ANTXR1: variants seen among roughly 807,000 people sequenced by gnomAD.
ANTXR1 encodes anthrax toxin receptor 1.
Under a neutral mutation model 78.1 loss-of-function variants are expected in ANTXR1, and 19 were observed. The ratio of observed to expected loss-of-function variants is 0.24; its 90% confidence interval spans 0.17 to 0.36. ANTXR1 has a LOEUF of 0.36. ANTXR1 is among the 10% of genes least tolerant of loss of function. The probability of loss-of-function intolerance (pLI) is 1.00; values close to 1 mark genes in which losing one functional copy is unlikely to be tolerated. For synonymous variants in ANTXR1, 273 were observed against 260.5 expected (o/e 1.05, Z -0.46); for missense variants, 518 against 718.6 (o/e 0.72, Z 3.19).
intron 3 of ANTXR1, among the ~76,000 whole-genome samples, chr2:69,062,943 T>TA (rs1670290234): frequency 6.6e-6 from 1 of 151,844 alleles, no homozygotes; most frequent in South Asian, 2.1e-4. Flanking sequence ...TTATTTGAAA[T>TA]AAAAAATTTA....
intron 3 of ANTXR1, among the ~76,000 whole-genome samples, chr2:69,045,608 G>A (rs1266140633): frequency 6.6e-6 from 1 of 152,050 alleles, no homozygotes; most frequent in South Asian, 2.1e-4. Flanking sequence ...GTACAGGGGG[G>A]GCAGGAAGAC....
intron 14 of ANTXR1, among the ~76,000 whole-genome samples, chr2:69,179,042 G>C (rs1674205681): frequency 6.6e-6 from 1 of 152,134 alleles, no homozygotes. Context: ...GGCTTTCAGA[G>C]CCATATTTTG....
chr2:69,195,601 C>T (rs1356159240), intron 17 of ANTXR1, among the ~76,000 whole-genome samples: 1 of 152,060 alleles, frequency 6.6e-6, no homozygotes, highest in Non-Finnish European at 1.5e-5. Flanking sequence ...TCAACAAGAC[C>T]AAATTTCTAT....
At position 69,241,318 on chromosome 2, in the gene ANTXR1, A is replaced by C. The variant is rs568374825; in HGVS notation, c.1435-3907A>C. Among the ~76,000 whole-genome samples, 16 of 152,254 alleles carry C rather than the reference A, an allele frequency of 1.1e-4. 1 individual carries two copies. Among genetic ancestry groups the C allele is most frequent in the Admixed American group, 9.2e-4 (14 of 15,296 alleles). On this transcript the variant is annotated intron_variant, in intron 17 of 17. Transcript: ENST00000303714. ...GCAAGCAAAAAACGATGTTGTGTAAACTGATCTTTAGGCCAATTATATGGT... is the reference window on the plus strand; with the variant it reads ...GCAAGCAAAAAACGATGTTGTGTAACCTGATCTTTAGGCCAATTATATGGT...
chr2:69,227,833 C>G (rs977125291), intron 17 of ANTXR1, among the ~76,000 whole-genome samples: 3 of 152,172 alleles, frequency 2.0e-5, no homozygotes. Flanking sequence ...ATTACATGGC[C>G]ACACCTTGAT....
At chr2:69,039,456 A>G (rs904325715) in intron 1 of ANTXR1, among the ~76,000 whole-genome samples, 3 of 152,148 alleles carry the variant, frequency 2.0e-5, no homozygotes, top group Non-Finnish European at 4.4e-5. Context: ...TTGTTTATTA[A>G]TACGACTAAA....
At position 69,170,270 on chromosome 2, in the gene ANTXR1, C is replaced by A. The variant is rs1673944816; in HGVS notation, c.1070C>A (p.Pro357His). 6.2e-7 allele frequency: 1 copy of A among 1,614,154 alleles called. No homozygotes were observed. Among genetic ancestry groups the A allele is most frequent in the Non-Finnish European group, 8.5e-7 (1 of 1,180,020 alleles). The change falls in exon 14 of 18, where the codon CCC becomes CAC. Residue 357 changes from proline to histidine, a missense_variant. Pro to His is a moderately conservative substitution (Grantham distance 77). Around this residue, in one of 5 missense-constraint regions of ANTXR1, gnomAD observed 264 missense variants for 391.8 expected, o/e 0.67. Transcript: ENST00000303714. ...CAGATTATCAAGGAGGTCCCTCCAC[C>A]CCCTGCCGAGGAGAGTGAGGTAAGT... ...CTVIIKEVPP[P>H]PAEESEEEDD... is the part of the protein sequence containing the mutation.
At chr2:69,039,123 A>G (rs1431727467) in intron 1 of ANTXR1, among the ~76,000 whole-genome samples, 1 of 152,226 alleles carries the variant, frequency 6.6e-6, no homozygotes, top group Non-Finnish European at 1.5e-5. Flanking sequence ...TAGAATGGCA[A>G]GCAGAAATGC....
Position 69,022,620 on chromosome 2 carries a change from G to C in ANTXR1, c.152+8969G>C, listed in dbSNP as rs1671225766. 2.0e-5 allele frequency among the ~76,000 whole-genome samples: 3 copies of C among 152,292 alleles called. No homozygotes were observed. In the South Asian group the frequency reaches 6.2e-4, roughly 32 times the overall value. Reference sequence around the variant, plus strand: ...TGCTAAACTGAGGTTCTCAACCAAGGGCCAGATCACAACTTCAGAGGCCTG... The same window carrying C: ...TGCTAAACTGAGGTTCTCAACCAAGCGCCAGATCACAACTTCAGAGGCCTG... On this transcript the variant is annotated intron_variant, in intron 1 of 17. Coordinates refer to ENST00000303714, the MANE Select transcript of ANTXR1 (RefSeq NM_032208.3).
At chr2:69,027,168 A>T (rs1366466703) in intron 1 of ANTXR1, among the ~76,000 whole-genome samples, 1 of 152,190 alleles carries the variant, frequency 6.6e-6, no homozygotes, top group Non-Finnish European at 1.5e-5. Context: ...AGCATCATGC[A>T]GTGGCAGCTG....
At chr2:69,195,853 T>C (rs1674657813) in intron 17 of ANTXR1, among the ~76,000 whole-genome samples, 1 of 152,004 alleles carries the variant, frequency 6.6e-6, no homozygotes, top group African/African-American at 2.4e-5. Flanking sequence ...ATGACCCCAT[T>C]TTTTTTTCAC....
chr2:69,144,456 A>G (rs1673162760), intron 12 of ANTXR1, among the ~76,000 whole-genome samples: 1 of 152,210 alleles, frequency 6.6e-6, no homozygotes, highest in Non-Finnish European at 1.5e-5. Flanking sequence ...GGCACTCCAA[A>G]GTGCTTCATA....
chr2:69,047,415 T>C (rs1175771197), intron 3 of ANTXR1, among the ~76,000 whole-genome samples: 2 of 152,220 alleles, frequency 1.3e-5, no homozygotes, highest in African/African-American at 4.8e-5. Flanking sequence ...ATTGTTACTC[T>C]ATTTTCTAAT....
intron 14 of ANTXR1, among the ~76,000 whole-genome samples, chr2:69,179,542 A>C (rs1244720693): frequency 6.8e-6 from 1 of 147,190 alleles, no homozygotes; most frequent in African/African-American, 2.6e-5. Flanking sequence ...AAAAAAAATT[A>C]TCAAAATTAG....
chr2:69,049,483 G>A (rs1286325377), intron 3 of ANTXR1, among the ~76,000 whole-genome samples: 2 of 151,652 alleles, frequency 1.3e-5, no homozygotes, highest in Non-Finnish European at 2.9e-5. Flanking sequence ...GCTAATTTTT[G>A]CATTTTAGTA....
At chr2:69,182,881 T>C (rs1674312903) in intron 16 of ANTXR1, 1 of 606,688 alleles carries the variant, frequency 1.6e-6, no homozygotes, top group Non-Finnish European at 2.9e-6. Context: ...ACCGTGGTGC[T>C]CACTTCTGCA....
At chr2:69,236,127 G>C (rs1259479675) in intron 17 of ANTXR1, among the ~76,000 whole-genome samples, 1 of 152,110 alleles carries the variant, frequency 6.6e-6, no homozygotes, top group Non-Finnish European at 1.5e-5. Context: ...TTCAAGATGA[G>C]ATTTGGGTGG....
chr2:69,096,455 A>G (rs535608623), intron 9 of ANTXR1, among the ~76,000 whole-genome samples: 9 of 146,660 alleles, frequency 6.1e-5, no homozygotes, highest in African/African-American at 2.0e-4. Flanking sequence ...GTGACACTCC[A>G]TCAGGAAAGA....
intron 17 of ANTXR1, among the ~76,000 whole-genome samples, chr2:69,200,094 C>T (rs570850391): frequency 7.2e-5 from 11 of 152,286 alleles, no homozygotes; most frequent in Middle Eastern, 6.8e-3. Flanking sequence ...TACTCCAAAT[C>T]GAACTCCATC....
Sources: allele counts gnomAD v4.1 joint callset (sites outside exome capture counted in the v4.1 genomes callset), GRCh38; gene constraint gnomAD v4.1.1; regional missense constraint gnomAD v4.1.1; transcripts MANE v1.5; gene names NCBI Gene and HGNC (gene_info 2026-07-23, HGNC 2026-07-21).